Variants in KLHL22 observed in about 807,000 individuals in gnomAD.
KLHL22 encodes the protein kelch-like protein 22.
KLHL22 carries 18 observed loss-of-function variants against 60.7 expected under a neutral mutation model. The observed-to-expected ratio is 0.30, with a 90% confidence interval of 0.20 to 0.44. KLHL22 has a LOEUF of 0.44. Among genes scored for constraint, KLHL22 ranks in the 20% least tolerant of loss-of-function variants. The pLI is 1.00. For synonymous variants in KLHL22, 355 were observed against 354.5 expected, an observed-to-expected ratio of 1.00 and a Z score of -0.01; for missense variants, 596 against 852.3, an observed-to-expected ratio of 0.70 and a Z score of 3.74.
chr22:20,487,950 C>T (rs1463638211), intron 2 of KLHL22, among the ~76,000 whole-genome samples: 1 of 152,068 alleles, frequency 6.6e-6, no homozygotes, highest in African/African-American at 2.4e-5. Flanking sequence ...ACCCACTGTC[C>T]TGTATGTTAT....
At chr22:20,491,914 C>G (rs2053698392) in intron 1 of KLHL22, 1 of 152,322 alleles carries the variant, frequency 6.6e-6, no homozygotes, top group African/African-American at 2.4e-5. Flanking sequence ...TTCCTTTCCC[C>G]CTCCTGGGCT....
In KLHL22 at chr22:20,464,879, C is replaced by T. The variant is rs552098595; in HGVS notation, c.1091G>A (p.Arg364Gln). The T allele has an allele frequency of 2.6e-6, 4 of 1,540,598 alleles. No individual in the cohort carries two copies. The highest frequency in any genetic ancestry group is 1.4e-5 in the African/African-American group (1 of 72,838). Residue 364 changes from arginine to glutamine, a missense_variant, in exon 4 of 7, where the codon CGA becomes CAA. Coordinates refer to ENST00000328879, the MANE Select transcript of KLHL22 (RefSeq NM_032775.4). ...IGGDNNVQGFRAESRCWRYDP... is the reference protein window; with the variant it reads ...IGGDNNVQGFQAESRCWRYDP... ...CTACCTCCAGCATCGGGACTCTGCT[C>T]GAAATCCTTGGACATTGTTGTCCCC...
rs900466971 is a variant in KLHL22 at position 20,441,880 on chromosome 22, G to A, written c.*193C>T. The A allele has an allele frequency of 2.1e-6, 1 of 465,902 alleles. No individual in the cohort carries two copies. Among genetic ancestry groups the A allele is most frequent in the Non-Finnish European group, 3.7e-6 (1 of 273,168 alleles). 28.9% of individuals were successfully genotyped at this position (465,902 alleles called of 1,614,324 possible). On this transcript the variant is annotated 3_prime_UTR_variant, in exon 7 of 7. Coordinates refer to ENST00000328879, the MANE Select transcript of KLHL22 (RefSeq NM_032775.4). ...TGCAGTGACGTAATCCACAGCCTGG[G>A]ATCTGCATGGCCCTGAGATGCCTGC... is the stretch of plus-strand genomic sequence containing the variant.
chr22:20,450,135 T>C (rs2052952263), intron 5 of KLHL22: 5 of 789,862 alleles, frequency 6.3e-6, no homozygotes, highest in Non-Finnish European at 1.2e-5. Flanking sequence ...GGAGGCATTA[T>C]GGCCCCCAAA....
At position 20,465,633 on chromosome 22, in the gene KLHL22, G is replaced by A. The variant is rs2053222845; in HGVS notation, c.394-57C>T. On this transcript the variant is annotated intron_variant, in intron 3 of 6. Coordinates refer to ENST00000328879, the MANE Select transcript of KLHL22 (RefSeq NM_032775.4). The surrounding 1 kb of genome is among the most constrained non-coding windows in gnomAD (Gnocchi z 4.9). The stretch of plus-strand genomic sequence containing the variant: ...GGCTGGTGAACAGCATCTGGGGGTG[G>A]GAGAGAGAATGATGGCAGAAATACG... The A allele has an allele frequency of 1.1e-6, 1 of 878,114 alleles. No homozygotes were observed. 54.4% of individuals were successfully genotyped at this position (878,114 alleles called of 1,614,324 possible).
intron 2 of KLHL22, among the ~76,000 whole-genome samples, chr22:20,486,996 T>A (rs1296054126): frequency 2.0e-5 from 3 of 152,108 alleles, no homozygotes; most frequent in Admixed American, 1.3e-4. Flanking sequence ...CTAGGCTCAC[T>A]GCAACCTCCG....
At chr22:20,456,340 TTGGTACA>T (rs2146195211) in intron 5 of KLHL22, 1 of 152,364 alleles carries the variant, frequency 6.6e-6, no homozygotes, top group East Asian at 1.9e-4. Flanking sequence ...TTCCCAGGAC[TTGGTACA>T]TGGTGCTTAG....
Position 20,495,634 on chromosome 22 carries a change from G to C in KLHL22, c.-34+126C>G, listed in dbSNP as rs1218142184. 6.6e-6 allele frequency: 1 copy of C among 150,548 alleles called. No homozygotes were observed. Among genetic ancestry groups the C allele is most frequent in the African/African-American group, 2.4e-5 (1 of 41,084 alleles). 9.3% of individuals were successfully genotyped at this position (150,548 alleles called of 1,614,324 possible). A position where few individuals can be genotyped will look rare whatever the true frequency, so the allele number is the denominator to read the frequency against. ...GTCGCCGCCCCCGAGCCTCCGGCCC[G>C]CGCCCGCCCCCGCGCCCCTCGGACT... On this transcript the variant is annotated intron_variant, in intron 1 of 6. Coordinates refer to ENST00000328879, the MANE Select transcript of KLHL22 (RefSeq NM_032775.4). This position sits in a 1 kb window ranked among gnomAD's most constrained non-coding sequence, Gnocchi z 4.6.
At chr22:20,462,542 T>G (rs2053173201) in intron 4 of KLHL22, among the ~76,000 whole-genome samples, 1 of 148,288 alleles carries the variant, frequency 6.7e-6, no homozygotes, top group African/African-American at 2.6e-5. Flanking sequence ...TTTTTTTTGG[T>G]AGAGACGAGG....
intron 2 of KLHL22, chr22:20,482,112 G>A (rs1475520139): frequency 6.6e-6 from 1 of 152,176 alleles, no homozygotes; most frequent in African/African-American, 2.4e-5. Context: ...TGGATACCCT[G>A]TTGGCATGGC....
Position 20,465,580 on chromosome 22 carries a change from CAG to C in KLHL22, c.394-6_394-5del, listed in dbSNP as rs1386455287. The C allele has an allele frequency of 1.4e-6, 2 of 1,384,754 alleles. No individual in the cohort carries two copies. The highest frequency in any genetic ancestry group is 2.3e-5 in the East Asian group (1 of 43,822). 85.8% of individuals were successfully genotyped at this position (1,384,754 alleles called of 1,614,324 possible). ...AGAAATGGATAATTTCTGGGATCTG[CAG>C]AGAGAATGACACCCATTCAAGCCTG... On this transcript the variant is annotated splice_region_variant and splice_polypyrimidine_tract_variant and intron_variant, in intron 3 of 6. Transcript: ENST00000328879. The surrounding 1 kb of genome is among the most constrained non-coding windows in gnomAD (Gnocchi z 4.9).
chr22:20,450,343 C>CGGAT, intron 5 of KLHL22: 1 of 1,302,296 alleles, frequency 7.7e-7, no homozygotes. Flanking sequence ...CCTATGTTGA[C>CGGAT]ATCCAAGGTT....
intron 5 of KLHL22, among the ~76,000 whole-genome samples, chr22:20,455,186 A>G (rs1213374040): frequency 2.6e-5 from 4 of 152,122 alleles, no homozygotes; most frequent in African/African-American, 9.7e-5. Flanking sequence ...CCCTGCCAAC[A>G]TGACCTATCC....
chr22:20,483,707 C>T (rs945662451), intron 2 of KLHL22: 4 of 735,904 alleles, frequency 5.4e-6, no homozygotes, highest in African/African-American at 3.4e-5. Context: ...CTCAGGTCCT[C>T]GATGGTCTTG....
At chr22:20,485,884 A>C (rs2053577295) in intron 2 of KLHL22, among the ~76,000 whole-genome samples, 1 of 150,608 alleles carries the variant, frequency 6.6e-6, no homozygotes, top group African/African-American at 2.5e-5. Flanking sequence ...AACAAACAAA[A>C]GGCTGGGCGT....
intron 6 of KLHL22, among the ~76,000 whole-genome samples, chr22:20,445,265 C>A (rs1190182044): frequency 1.4e-5 from 2 of 147,058 alleles, no homozygotes; most frequent in Non-Finnish European, 3.0e-5. Context: ...GGAGTGCAGT[C>A]GTGTGATCTC....
At chr22:20,475,964 C>T (rs2053405450) in intron 2 of KLHL22, among the ~76,000 whole-genome samples, 1 of 152,188 alleles carries the variant, frequency 6.6e-6, no homozygotes, top group Non-Finnish European at 1.5e-5. Context: ...TAGCTTTTTA[C>T]ATTTGAATTT....
intron 4 of KLHL22, among the ~76,000 whole-genome samples, chr22:20,464,437 AAAC>A (rs2053199125): frequency 6.6e-6 from 1 of 152,154 alleles, no homozygotes; most frequent in Non-Finnish European, 1.5e-5. Flanking sequence ...AGGGAAACTG[AAAC>A]AACATGCATC....
chr22:20,483,857 G>C, intron 2 of KLHL22: 1 of 719,476 alleles, frequency 1.4e-6, no homozygotes, highest in Non-Finnish European at 2.5e-6. Flanking sequence ...GGCTTTGTAT[G>C]GTCTCCTTCT....
Sources: allele counts gnomAD v4.1 joint callset (sites outside exome capture counted in the v4.1 genomes callset), GRCh38; gene constraint gnomAD v4.1.1; non-coding constraint Gnocchi (gnomAD v3.1); transcripts MANE v1.5; gene names NCBI Gene and HGNC (gene_info 2026-07-23, HGNC 2026-07-21).